Variants in ME3 observed in about 807,000 individuals in gnomAD.
ME3 encodes the protein malic enzyme 3.
ME3 carries 48 observed loss-of-function variants against 68.9 expected under a neutral mutation model. The ratio of observed to expected loss-of-function variants is 0.70; its 90% CI spans 0.55 to 0.89. The LOEUF (loss-of-function observed/expected upper bound fraction) is 0.89, where lower values mean the gene tolerates loss of function less well. Ranked by LOEUF, ME3 falls within the 40% of genes least tolerant of loss-of-function variation. The pLI is 0.00. For synonymous variants in ME3, 320 were observed against 318.8 expected (o/e 1.00, Z -0.04); for missense variants, 675 against 797.4 (o/e 0.85, Z 1.85).
At chr11:86,610,116 A>C (rs938864270) in intron 2 of ME3, among the ~76,000 whole-genome samples, 11 of 152,184 alleles carry the variant, frequency 7.2e-5, no homozygotes, top group Admixed American at 6.5e-4. Flanking sequence ...GAATGCCTCC[A>C]TGTGTAGTAG....
At chr11:86,624,023 T>G (rs1018307526) in intron 2 of ME3, among the ~76,000 whole-genome samples, 2 of 152,216 alleles carry the variant, frequency 1.3e-5, no homozygotes, top group Admixed American at 1.3e-4. Flanking sequence ...TAACTCAAGC[T>G]GGACCAATCC....
chr11:86,462,614 A>C, intron 8 of ME3: 1 of 1,287,552 alleles, frequency 7.8e-7, no homozygotes, highest in Non-Finnish European at 1.0e-6. Flanking sequence ...ATGTGTAGAC[A>C]TCATTCATAT....
At chr11:86,505,235 A>C (rs1035735623) in intron 5 of ME3, among the ~76,000 whole-genome samples, 7 of 151,814 alleles carry the variant, frequency 4.6e-5, no homozygotes, top group African/African-American at 1.7e-4. Flanking sequence ...GGAAATTCTA[A>C]ACCTTTAAAA....
chr11:86,591,930 A>T (rs971412505), intron 2 of ME3, among the ~76,000 whole-genome samples: 2 of 152,162 alleles, frequency 1.3e-5, no homozygotes, highest in African/African-American at 4.8e-5. Flanking sequence ...ACCATATCAG[A>T]CATCTAGAGT....
At chr11:86,506,449 A>C (rs2139078664) in intron 5 of ME3, among the ~76,000 whole-genome samples, 1 of 152,290 alleles carries the variant, frequency 6.6e-6, no homozygotes, top group Non-Finnish European at 1.5e-5. Context: ...TGCATTCCTC[A>C]CAGCAAGGCC....
intron 2 of ME3, among the ~76,000 whole-genome samples, chr11:86,652,446 T>G (rs1594790413): frequency 6.6e-6 from 1 of 152,114 alleles, no homozygotes; most frequent in African/African-American, 2.4e-5. Flanking sequence ...TATTCAACAT[T>G]CTTAAAGAAA....
intron 2 of ME3, among the ~76,000 whole-genome samples, chr11:86,637,708 T>A (rs139011482): frequency 6.6e-6 from 1 of 152,054 alleles, no homozygotes; most frequent in Non-Finnish European, 1.5e-5. Flanking sequence ...CACAGGAAAC[T>A]TTTTAAGAAG....
chr11:86,650,119 A>C (rs1160709168), intron 2 of ME3, among the ~76,000 whole-genome samples: 3 of 152,194 alleles, frequency 2.0e-5, no homozygotes, highest in African/African-American at 7.2e-5. Flanking sequence ...TATATAGACT[A>C]ATGGAACAGA....
chr11:86,541,648 C>T (rs1264192757), intron 4 of ME3, among the ~76,000 whole-genome samples: 1 of 152,234 alleles, frequency 6.6e-6, no homozygotes, highest in Non-Finnish European at 1.5e-5. Context: ...CAGCCCCAGT[C>T]AGGGGCTTAC....
intron 4 of ME3, among the ~76,000 whole-genome samples, chr11:86,512,754 G>A (rs1028647522): frequency 6.6e-6 from 1 of 152,194 alleles, no homozygotes; most frequent in African/African-American, 2.4e-5. Flanking sequence ...CCGCACTAAA[G>A]TGGGGCAGGG....
chr11:86,526,683 A>T (rs1388825991), intron 4 of ME3, among the ~76,000 whole-genome samples: 1 of 152,204 alleles, frequency 6.6e-6, no homozygotes, highest in African/African-American at 2.4e-5. Context: ...CAGAGGAACG[A>T]TCAGGCAGCA....
chr11:86,593,152 A>C (rs1420947171), intron 2 of ME3, among the ~76,000 whole-genome samples: 1 of 152,160 alleles, frequency 6.6e-6, no homozygotes, highest in Non-Finnish European at 1.5e-5. Context: ...GTTCACTGTT[A>C]CCCTGACAAA....
At chr11:86,643,068 G>A (rs1306769847) in intron 2 of ME3, among the ~76,000 whole-genome samples, 1 of 152,088 alleles carries the variant, frequency 6.6e-6, no homozygotes, top group Non-Finnish European at 1.5e-5. Flanking sequence ...ATTCTGAAAA[G>A]AGCCCAGTCT....
chr11:86,536,317 G>C (rs1483707788), intron 4 of ME3, among the ~76,000 whole-genome samples: 1 of 148,088 alleles, frequency 6.8e-6, no homozygotes, highest in Non-Finnish European at 1.5e-5. Context: ...CTTCTGCACA[G>C]CAAAAGAAAC....
chr11:86,584,676 C>T (rs1404502846), intron 2 of ME3, among the ~76,000 whole-genome samples: 1 of 152,154 alleles, frequency 6.6e-6, no homozygotes, highest in Non-Finnish European at 1.5e-5. Context: ...TTATGCTAAA[C>T]ACAATGAGCC....
chr11:86,503,819 G>A (rs1189143950), intron 5 of ME3, among the ~76,000 whole-genome samples: 1 of 152,194 alleles, frequency 6.6e-6, no homozygotes, highest in African/African-American at 2.4e-5. Flanking sequence ...CGAAGCTCCT[G>A]GGACTGGGGT....
chr11:86,512,149 A>G (rs1281909402), intron 4 of ME3, among the ~76,000 whole-genome samples: 1 of 152,194 alleles, frequency 6.6e-6, no homozygotes, highest in Non-Finnish European at 1.5e-5. Context: ...TTGTCTGTAC[A>G]GTGGGCAAGA....
intron 2 of ME3, among the ~76,000 whole-genome samples, chr11:86,659,818 C>T (rs1946159524): frequency 6.6e-6 from 1 of 152,126 alleles, no homozygotes; most frequent in Non-Finnish European, 1.5e-5. Flanking sequence ...ATAATGGTGA[C>T]AGGCAGGAAG....
intron 3 of ME3, among the ~76,000 whole-genome samples, chr11:86,558,514 A>G (rs1354171279): frequency 6.6e-6 from 1 of 152,102 alleles, no homozygotes; most frequent in Non-Finnish European, 1.5e-5. Context: ...GAAGCAATGG[A>G]TGGTATGAGG....
Sources: allele counts gnomAD v4.1 joint callset (sites outside exome capture counted in the v4.1 genomes callset), GRCh38; gene constraint gnomAD v4.1.1; transcripts MANE v1.5; gene names NCBI Gene and HGNC (gene_info 2026-07-23, HGNC 2026-07-21).